Variants in RGS7 observed in about 807,000 individuals in gnomAD.
RGS7 encodes regulator of G protein signaling 7.
Under a neutral mutation model 81.1 loss-of-function variants are expected in RGS7, and 27 were observed. That is an observed-to-expected ratio of 0.33 (90% CI 0.25 to 0.46). The LOEUF is 0.46. RGS7 is among the 20% of genes least tolerant of loss of function. RGS7 has a pLI of 1.00. For missense variants in RGS7, 396 were observed against 607.4 expected (o/e 0.65, Z 3.66); for synonymous variants, 208 against 207.7 (o/e 1.00, Z -0.01).
intron 6 of RGS7, among the ~76,000 whole-genome samples, chr1:240,872,866 C>CAGG (rs1471301846): frequency 6.6e-6 from 1 of 152,100 alleles, no homozygotes; most frequent in South Asian, 2.1e-4. Context: ...ATCACAAGGT[C>CAGG]AGGAGTTCAA....
At position 240,994,162 on chromosome 1, in the gene RGS7, C is replaced by T. The variant is rs549644097; in HGVS notation, c.176-11033G>A. On this transcript the variant is annotated intron_variant, in intron 3 of 18. Coordinates refer to ENST00000440928, the MANE Select transcript of RGS7 (RefSeq NM_001364886.1). ...TTCTTTCAAAATTGTTTTACCTGTT[C>T]TACTTCATTTGCTTTACCTATAAAT... is the stretch of plus-strand genomic sequence containing the variant. Among the ~76,000 whole-genome samples, 10 of 152,212 alleles carry T rather than the reference C, an allele frequency of 6.6e-5. No individual in the cohort carries two copies. In the South Asian group the frequency reaches 1.7e-3, roughly 25 times the overall value.
intron 9 of RGS7, among the ~76,000 whole-genome samples, chr1:240,834,900 A>C (rs2147847623): frequency 6.7e-6 from 1 of 148,192 alleles, no homozygotes; most frequent in African/African-American, 2.6e-5. Context: ...TTCAAAACTC[A>C]TTCAGACCTT....
chr1:241,020,852 A>G (rs1389271087), intron 3 of RGS7, among the ~76,000 whole-genome samples: 2 of 152,246 alleles, frequency 1.3e-5, no homozygotes, highest in Non-Finnish European at 2.9e-5. Context: ...GATCTACTGT[A>G]TCAACTTACT....
chr1:240,933,271 G>C (rs1199185323), intron 5 of RGS7, among the ~76,000 whole-genome samples: 2 of 151,806 alleles, frequency 1.3e-5, no homozygotes, highest in Non-Finnish European at 2.9e-5. Context: ...GTATGTATAG[G>C]TGTGTGTGCA....
At chr1:241,098,520 A>G (rs2064464129) in intron 3 of RGS7, 146 bp downstream of exon 3, 2 of 686,172 alleles carry the variant, frequency 2.9e-6, no homozygotes, top group South Asian at 1.6e-5. Context: ...AGTGTTTCAC[A>G]TGATAAATAT....
At chr1:240,840,466 G>A (rs1199223587) in intron 9 of RGS7, among the ~76,000 whole-genome samples, 2 of 152,026 alleles carry the variant, frequency 1.3e-5, no homozygotes, top group Non-Finnish European at 2.9e-5. Context: ...AGAGAGACAG[G>A]GTTTCACCAT....
chr1:241,315,104 C>T (rs937316360), intron 2 of RGS7, among the ~76,000 whole-genome samples: 203 of 33,654 alleles, frequency 6.0e-3, no homozygotes, highest in Admixed American at 6.7e-3. Context: ...TTTTCTTCTT[C>T]TTCTTTTTTT....
At position 241,082,254 on chromosome 1, in the gene RGS7, C is replaced by T. The variant is rs199568675; in HGVS notation, c.175+16412G>A. Among the ~76,000 whole-genome samples, 6 of 152,290 alleles carry T rather than the reference C, an allele frequency of 3.9e-5. No homozygotes were observed. In the East Asian group the frequency reaches 1.2e-3, roughly 29 times the overall value. On this transcript the variant is annotated intron_variant, in intron 3 of 18. Coordinates refer to ENST00000440928, the MANE Select transcript of RGS7 (RefSeq NM_001364886.1). ...TTTTATTTTCCCAATCCAAAATCACCTCCAGTCCCAATAATATTCACTCCA... is the reference window on the plus strand; with the variant it reads ...TTTTATTTTCCCAATCCAAAATCACTTCCAGTCCCAATAATATTCACTCCA...
intron 6 of RGS7, among the ~76,000 whole-genome samples, chr1:240,890,613 G>A (rs1390746573): frequency 1.3e-5 from 2 of 149,736 alleles, no homozygotes; most frequent in South Asian, 2.1e-4. Flanking sequence ...AATAATAATA[G>A]TTAACATTTC....
chr1:241,082,301 A>G (rs953370350), intron 3 of RGS7, among the ~76,000 whole-genome samples: 3 of 152,244 alleles, frequency 2.0e-5, no homozygotes, highest in African/African-American at 7.2e-5. Flanking sequence ...GCAAATTCAC[A>G]TGTTCAGAAG....
In RGS7 at chr1:240,805,990, T is replaced by A. The variant is rs76121925; in HGVS notation, c.1269+150A>T. The stretch of plus-strand genomic sequence containing the variant: ...AACTATTCAGTTTAATGTGTCTTTG[T>A]TCCTTCCTAGATCAGTTAGAGTTAT... On this transcript the variant is annotated intron_variant, in intron 15 of 18. Coordinates refer to ENST00000440928, the MANE Select transcript of RGS7 (RefSeq NM_001364886.1). 4.3e-3 allele frequency: 3,182 copies of A among 745,654 alleles called. 83 individuals carry two copies. In the African/African-American group the frequency reaches 0.05, roughly 12 times the overall value. The allele number at this position is 745,654 out of a possible 1,614,324, so 46.2% of individuals were successfully genotyped here. A position where few individuals can be genotyped will look rare whatever the true frequency, so the allele number is the denominator to read the frequency against.
chr1:241,218,474 C>T (rs1020910515), intron 2 of RGS7, among the ~76,000 whole-genome samples: 4 of 152,168 alleles, frequency 2.6e-5, no homozygotes, highest in Admixed American at 6.5e-5. Flanking sequence ...CTCAACTCCA[C>T]ATAAGTTGCA....
chr1:241,281,856 C>T (rs1026302092), intron 2 of RGS7, among the ~76,000 whole-genome samples: 2 of 152,128 alleles, frequency 1.3e-5, no homozygotes, highest in Non-Finnish European at 2.9e-5. Context: ...GAATTGACAT[C>T]GTTACTATGT....
chr1:241,023,040 T>C (rs990357335), intron 3 of RGS7, among the ~76,000 whole-genome samples: 1 of 67,260 alleles, frequency 1.5e-5, no homozygotes, highest in Non-Finnish European at 3.5e-5. Context: ...GTTGTTATAA[T>C]GATTAAATAG....
At chr1:241,128,504 T>G (rs2066847546) in intron 2 of RGS7, among the ~76,000 whole-genome samples, 1 of 146,882 alleles carries the variant, frequency 6.8e-6, no homozygotes, top group African/African-American at 2.5e-5. Context: ...CGAGAAACGC[T>G]TGAACCCGGG....
chr1:240,826,922 G>A (rs1192118921), intron 10 of RGS7, among the ~76,000 whole-genome samples, 176 bp downstream of exon 10: 2 of 152,110 alleles, frequency 1.3e-5, no homozygotes, highest in Admixed American at 1.3e-4. Flanking sequence ...TCTGTCTTGG[G>A]ACCCTGGTGT....
chr1:240,892,466 T>C (rs1668431194), intron 6 of RGS7, among the ~76,000 whole-genome samples: 1 of 152,180 alleles, frequency 6.6e-6, no homozygotes, highest in Admixed American at 6.5e-5. Context: ...AGCTCCTCAG[T>C]GAAATTCAGA....
At chr1:241,222,933 C>G (rs2075101522) in intron 2 of RGS7, among the ~76,000 whole-genome samples, 1 of 151,036 alleles carries the variant, frequency 6.6e-6, no homozygotes, top group Non-Finnish European at 1.5e-5. Flanking sequence ...TCTGTTCTTG[C>G]AATAGTTTGC....
At chr1:240,823,907 C>G (rs1692302517) in intron 10 of RGS7, among the ~76,000 whole-genome samples, 1 of 146,892 alleles carries the variant, frequency 6.8e-6, no homozygotes, top group Non-Finnish European at 1.5e-5. Context: ...GTATCGGACT[C>G]AAGAACATCA....
Sources: allele counts gnomAD v4.1 joint callset (sites outside exome capture counted in the v4.1 genomes callset), GRCh38; gene constraint gnomAD v4.1.1; transcripts MANE v1.5; gene names NCBI Gene and HGNC (gene_info 2026-07-23, HGNC 2026-07-21).